CHD9: variants seen among roughly 807,000 people sequenced by gnomAD.
CHD9 encodes chromodomain helicase DNA binding protein 9.
A neutral mutation model predicts 316.1 loss-of-function variants in CHD9; 77 were observed. That is an observed-to-expected ratio of 0.24 (90% confidence interval 0.20 to 0.29). CHD9 has a LOEUF of 0.29. Among genes scored for constraint, CHD9 ranks in the 10% least tolerant of loss-of-function variants. The probability of loss-of-function intolerance (pLI) is 1.00; values close to 1 mark genes in which losing one functional copy is unlikely to be tolerated. For missense variants in CHD9, 2,763 were observed against 3,438.1 expected, an observed-to-expected ratio of 0.80 and a Z score of 4.91; for synonymous variants, 1,129 against 1,158.3, an observed-to-expected ratio of 0.97 and a Z score of 0.51.
chr16:53,089,324 A>G (rs2035741084), intron 1 of CHD9, among the ~76,000 whole-genome samples: 1 of 152,200 alleles, frequency 6.6e-6, no homozygotes, highest in Non-Finnish European at 1.5e-5. Flanking sequence ...GAAGTTGAAT[A>G]GATACTAATG....
intron 34 of CHD9, 23 bp from the exon 35 acceptor site, chr16:53,314,353 AT>A: frequency 6.6e-7 from 1 of 1,512,334 alleles, no homozygotes; most frequent in Non-Finnish European, 8.9e-7. Flanking sequence ...TTGTATCACC[AT>A]TTTGCATTTT....
intron 2 of CHD9, among the ~76,000 whole-genome samples, chr16:53,198,301 A>G (rs1034377066): frequency 1.3e-5 from 2 of 151,520 alleles, no homozygotes; most frequent in South Asian, 2.1e-4. Context: ...CACCTGACTC[A>G]TAATAAGCAT....
chr16:53,206,183 C>G (rs942925985), intron 2 of CHD9, among the ~76,000 whole-genome samples: 1 of 152,024 alleles, frequency 6.6e-6, no homozygotes, highest in Admixed American at 6.6e-5. Flanking sequence ...GAACTCCCGA[C>G]CTCAGGTGAT....
At chr16:53,071,586 A>G (rs7205799) in intron 1 of CHD9, among the ~76,000 whole-genome samples, 209 of 152,310 alleles carry the variant, frequency 1.4e-3, no homozygotes, top group African/African-American at 4.7e-3. Context: ...ACATCTTCCC[A>G]GAAAGTGATT....
At chr16:53,270,295 T>C (rs1354016811) in intron 22 of CHD9, among the ~76,000 whole-genome samples, 1 of 151,750 alleles carries the variant, frequency 6.6e-6, no homozygotes, top group Non-Finnish European at 1.5e-5. Flanking sequence ...TAGATCCTGA[T>C]TGAAACAAAT....
chr16:53,264,259 G>T (rs768476122), intron 20 of CHD9, among the ~76,000 whole-genome samples: 1 of 151,822 alleles, frequency 6.6e-6, no homozygotes, highest in Non-Finnish European at 1.5e-5. Flanking sequence ...AATTTTTTTG[G>T]AAGAATATTT....
At chr16:53,261,095 C>CAAA (rs753392412) in intron 19 of CHD9, among the ~76,000 whole-genome samples, 40 of 123,248 alleles carry the variant, frequency 3.2e-4, no homozygotes, top group Non-Finnish European at 4.7e-4. Context: ...TTAGAGAAAG[C>CAAA]AAAAAAAAAA....
intron 1 of CHD9, among the ~76,000 whole-genome samples, chr16:53,071,149 T>C (rs1210010446): frequency 1.3e-5 from 2 of 152,226 alleles, no homozygotes; most frequent in Non-Finnish European, 1.5e-5. Context: ...ACTTATATCT[T>C]CTTTAACTTC....
intron 1 of CHD9, among the ~76,000 whole-genome samples, chr16:53,106,123 A>T (rs1597005490): frequency 6.6e-6 from 1 of 152,052 alleles, no homozygotes; most frequent in East Asian, 1.9e-4. Context: ...CCTGGCTCAG[A>T]AGTTTTTTAA....
intron 1 of CHD9, among the ~76,000 whole-genome samples, chr16:53,091,097 G>A (rs1382925705): frequency 5.3e-5 from 8 of 152,032 alleles, no homozygotes; most frequent in South Asian, 4.1e-4. Flanking sequence ...GTGAGGTTTC[G>A]GATCTGCTCC....
rs1387084122 is a variant in CHD9 at position 53,222,646 on chromosome 16, A to G, written c.1787A>G (p.Lys596Arg). 6 of 1,409,462 alleles carry G rather than the reference A, an allele frequency of 4.3e-6. No individual in the cohort carries two copies. Among genetic ancestry groups the G allele is most frequent in the South Asian group, 1.3e-5 (1 of 79,678 alleles). The allele number at this position is 1,409,462 out of a possible 1,614,324, so 87.3% of individuals were successfully genotyped here. ...TTATTCTTTTCCTCTTGAAACAGCA[A>G]ACTCATTATTACATTGGGTAAGAAA... Reference protein sequence around the residue: ...SKLKEKTKIGKLIITLGKKQK... With the variant: ...SKLKEKTKIGRLIITLGKKQK... Residue 596 changes from lysine to arginine, a missense_variant and splice_region_variant, in exon 4 of 39, where the codon AAA becomes AGA. Around this residue, in one of 15 missense-constraint regions of CHD9, gnomAD observed 859 missense variants for 890.4 expected, o/e 0.96. Transcript: ENST00000447540.
At chr16:53,217,051 T>C (rs953478969) in intron 3 of CHD9, among the ~76,000 whole-genome samples, 2 of 152,136 alleles carry the variant, frequency 1.3e-5, no homozygotes, top group African/African-American at 4.8e-5. Flanking sequence ...GTTTTGTCGG[T>C]TCCCCTTTTT....
chr16:53,249,150 A>G (rs1239055581), intron 16 of CHD9, among the ~76,000 whole-genome samples: 1 of 152,104 alleles, frequency 6.6e-6, no homozygotes, highest in East Asian at 1.9e-4. Context: ...GAGTTTCTTT[A>G]TTGTCATAAC....
At position 53,308,738 on chromosome 16, in the gene CHD9, C is replaced by T. The variant is rs747015800; in HGVS notation, c.7106C>T (p.Pro2369Leu). The change falls in exon 34 of 39, where the codon CCA becomes CTA. Residue 2369 changes from proline to leucine, a missense_variant. Physicochemically the swap from Pro to Leu is moderately conservative, Grantham distance 98 (BLOSUM62 -3). Coordinates refer to ENST00000447540, the MANE Select transcript of CHD9 (RefSeq NM_001308319.2). ...FQKQGLAQKRPFDGEDGALGQ... is the reference protein window; with the variant it reads ...FQKQGLAQKRLFDGEDGALGQ... ...AAGCAAGGGCTTGCTCAGAAAAGAC[C>T]ATTTGATGGTGAAGACGGTGCTCTG... 2.6e-5 allele frequency: 42 copies of T among 1,613,068 alleles called. No individual in the cohort carries two copies. The highest frequency in any genetic ancestry group is 3.4e-5 in the Non-Finnish European group (40 of 1,179,520).
intron 2 of CHD9, among the ~76,000 whole-genome samples, chr16:53,176,316 GTTTTGT>G (rs1409407381): frequency 1.3e-5 from 2 of 152,130 alleles, no homozygotes; most frequent in Non-Finnish European, 2.9e-5. Context: ...TTTTTGTTTT[GTTTTGT>G]TTTTGTTTTT....
At chr16:53,257,632 T>C (rs8052956) in intron 19 of CHD9, among the ~76,000 whole-genome samples, 47,199 of 151,920 alleles carry the variant, frequency 0.31, 7,483 homozygotes, top group Middle Eastern at 0.39. Flanking sequence ...GAAGGACATT[T>C]ATATGGGGAA....
chr16:53,064,683 C>A (rs1230704697), intron 1 of CHD9, among the ~76,000 whole-genome samples: 2 of 152,104 alleles, frequency 1.3e-5, no homozygotes, highest in African/African-American at 4.8e-5. Context: ...TGTATTAAAT[C>A]ACAAGGGAGG....
chr16:53,113,217 A>G (rs966755190), intron 1 of CHD9, among the ~76,000 whole-genome samples: 3 of 152,108 alleles, frequency 2.0e-5, no homozygotes, highest in African/African-American at 7.2e-5. Context: ...AATGTGAGGC[A>G]GGCAGCATAG....
rs984221030 is a variant in CHD9, at chr16:53,308,536, A to G, written c.7054-150A>G. On this transcript the variant is annotated intron_variant, in intron 33 of 38. Coordinates refer to ENST00000447540, the MANE Select transcript of CHD9 (RefSeq NM_001308319.2). ...ATAGAAATTGATTTAAAATGTTTTT[A>G]TTTGACTGATTTATGAATGAGAAAT... 4.8e-6 allele frequency: 3 copies of G among 620,822 alleles called. No individual in the cohort carries two copies. In the African/African-American group the frequency reaches 5.5e-5, roughly 11 times the overall value. The allele number at this position is 620,822 out of a possible 1,614,324, so 38.5% of individuals were successfully genotyped here. A position where few individuals can be genotyped will look rare whatever the true frequency, so the allele number is the denominator to read the frequency against.
Sources: allele counts gnomAD v4.1 joint callset (sites outside exome capture counted in the v4.1 genomes callset), GRCh38; gene constraint gnomAD v4.1.1; regional missense constraint gnomAD v4.1.1; transcripts MANE v1.5; gene names NCBI Gene and HGNC (gene_info 2026-07-23, HGNC 2026-07-21).